The following CRISPLD2 variants were observed in gnomAD, a reference collection of about 807,000 sequenced individuals.
CRISPLD2 encodes cysteine-rich secretory protein LCCL domain-containing 2.
CRISPLD2 carries 47 observed loss-of-function variants against 71.1 expected under a neutral mutation model. That is an observed-to-expected ratio of 0.66 (90% CI 0.52 to 0.84). The LOEUF is 0.84. Among genes scored for constraint, CRISPLD2 ranks in the 40% least tolerant of loss-of-function variants. The pLI is 0.00. For synonymous variants in CRISPLD2, 317 were observed against 250.1 expected, an observed-to-expected ratio of 1.27 and a Z score of -2.52; for missense variants, 830 against 651.1, an observed-to-expected ratio of 1.27 and a Z score of -2.99.
In CRISPLD2 at chr16:84,866,982, C is replaced by G. The variant is rs1191589176; in HGVS notation, c.795C>G (p.Leu265=). 3.7e-6 allele frequency: 6 copies of G among 1,614,056 alleles called. No homozygotes were observed. The South Asian group carries it at 6.6e-5, about 18-fold the overall frequency. ...TTCCTGAAGAAAACCATGTTTGGCT[C>G]CAACCGAGGGTGATGAGACCCACCA... The part of the protein sequence containing the change: ...APIPEENHVW[L]QPRVMRPTKP... The change falls in exon 7 of 15, where the codon CTC becomes CTG. Residue 265 remains leucine (L), a synonymous_variant. Transcript: ENST00000262424.
chr16:84,837,415 C>CTTTTTT (rs770665907), intron 1 of CRISPLD2, among the ~76,000 whole-genome samples: 1 of 112,978 alleles, frequency 8.9e-6, no homozygotes, highest in Non-Finnish European at 2.0e-5. Flanking sequence ...CCATAGCTTG[C>CTTTTTT]TTTTTTTTTT....
chr16:84,845,025 T>C (rs2143195844), intron 2 of CRISPLD2, among the ~76,000 whole-genome samples: 1 of 152,254 alleles, frequency 6.6e-6, no homozygotes, highest in East Asian at 1.9e-4. Context: ...ACCCGGATAA[T>C]TGATTTCTAG....
At position 84,909,397 on chromosome 16, in the gene CRISPLD2, G is replaced by T. The variant is rs1322356130; in HGVS notation, c.*2755G>T. 2.0e-5 allele frequency: 3 copies of T among 152,656 alleles called. No homozygotes were observed. Among genetic ancestry groups the T allele is most frequent in the Non-Finnish European group, 2.9e-5 (2 of 68,046 alleles). The allele number at this position is 152,656 out of a possible 1,614,324, so 9.5% of individuals were successfully genotyped here. A position where few individuals can be genotyped will look rare whatever the true frequency, so the allele number is the denominator to read the frequency against. On this transcript the variant is annotated 3_prime_UTR_variant, in exon 15 of 15. Coordinates refer to ENST00000262424, the MANE Select transcript of CRISPLD2 (RefSeq NM_031476.4). ...TTTTTTGTGCTTTGCATGAACAGGG[G>T]CCACGTTGTTGCAATTGTTTCAGTA...
At chr16:84,871,854 GT>G (rs931479950) in intron 8 of CRISPLD2, among the ~76,000 whole-genome samples, 3 of 93,740 alleles carry the variant, frequency 3.2e-5, no homozygotes, top group Non-Finnish European at 6.1e-5. Context: ...GCCTGGCCTT[GT>G]TTTTTTTCAA....
intron 12 of CRISPLD2, among the ~76,000 whole-genome samples, chr16:84,879,064 G>C (rs1477003218): frequency 1.3e-5 from 2 of 152,160 alleles, no homozygotes; most frequent in African/African-American, 4.8e-5. Flanking sequence ...AGGCCCAGGA[G>C]GGTGACTGGT....
intron 1 of CRISPLD2, among the ~76,000 whole-genome samples, chr16:84,836,966 T>C (rs1476708337): frequency 6.6e-6 from 1 of 152,206 alleles, no homozygotes; most frequent in African/African-American, 2.4e-5. Context: ...TGTCCTGCTA[T>C]GTGGGGACTG....
intron 6 of CRISPLD2, among the ~76,000 whole-genome samples, chr16:84,865,847 A>T (rs924470936): frequency 1.3e-5 from 2 of 152,148 alleles, no homozygotes; most frequent in African/African-American, 4.8e-5. Flanking sequence ...ATTAAGTGCA[A>T]TGTGTTTGGT....
Position 84,871,167 on chromosome 16 carries a change from T to C in CRISPLD2, c.915-1275T>C, listed in dbSNP as rs149994017. ...AGGGAAGCTGAAGAGCTAATGGATA[T>C]GAATGTTTAAGTCTTTCTTAAAGAT... On this transcript the variant is annotated intron_variant, in intron 8 of 14. Transcript: ENST00000262424. Among the ~76,000 whole-genome samples, 693 of 152,352 alleles carry C rather than the reference T, an allele frequency of 4.5e-3. 10 individuals are homozygous for C. The highest frequency in any genetic ancestry group is 0.015 in the African/African-American group (642 of 41,582).
chr16:84,834,281 C>A (rs1301252296), intron 1 of CRISPLD2, among the ~76,000 whole-genome samples: 1 of 152,232 alleles, frequency 6.6e-6, no homozygotes, highest in African/African-American at 2.4e-5. Context: ...GGCGTGAGCC[C>A]CTTCTTGATG....
At chr16:84,887,948 T>C (rs920202979) in intron 13 of CRISPLD2, among the ~76,000 whole-genome samples, 1 of 152,214 alleles carries the variant, frequency 6.6e-6, no homozygotes, top group Admixed American at 6.5e-5. Context: ...ATCAGATCGC[T>C]AGATCCACCC....
In CRISPLD2 at chr16:84,838,549, C is replaced by T. The variant is rs148237290; in HGVS notation, c.54C>T (p.Cys18=). Reference sequence around the variant, plus strand: ...CCTTGGGGCTGCTGTTCCTGGTCTGCGGATCCCAAGGCTACCTCCTGCCCA... The same window carrying T: ...CCTTGGGGCTGCTGTTCCTGGTCTGTGGATCCCAAGGCTACCTCCTGCCCA... ...VIPLGLLFLV[C]GSQGYLLPNV... is the part of the protein sequence containing the mutation. The change falls in exon 2 of 15, where the codon TGC becomes TGT. Residue 18 remains cysteine, a synonymous_variant. Transcript: ENST00000262424. 67 of 1,614,184 alleles carry T rather than the reference C, an allele frequency of 4.2e-5. No individual in the cohort carries two copies. Among genetic ancestry groups the T allele is most frequent in the African/African-American group, 6.7e-5 (5 of 75,036 alleles).
intron 14 of CRISPLD2, among the ~76,000 whole-genome samples, chr16:84,890,252 G>A (rs372988385): frequency 5.9e-5 from 9 of 152,222 alleles, no homozygotes; most frequent in African/African-American, 9.6e-5. Flanking sequence ...CCAGCTACCC[G>A]GGAGGCTGAG....
chr16:84,857,142 G>A (rs772292172), intron 6 of CRISPLD2, among the ~76,000 whole-genome samples: 1 of 152,240 alleles, frequency 6.6e-6, no homozygotes, highest in Non-Finnish European at 1.5e-5. Flanking sequence ...GCACTCAGCA[G>A]TGGCCATAGC....
chr16:84,877,558 T>C (rs368878673), intron 12 of CRISPLD2, 48 bp downstream of exon 12: 3 of 1,581,840 alleles, frequency 1.9e-6, no homozygotes, highest in African/African-American at 2.7e-5. Context: ...ATGTTAGAAG[T>C]AGCTTTTTAG....
Position 84,907,513 on chromosome 16 carries a change from A to G in CRISPLD2, c.*871A>G. 1 of 152,320 alleles carries G rather than the reference A, an allele frequency of 6.6e-6. No individual in the cohort carries two copies. The highest frequency in any genetic ancestry group is 1.5e-5 in the Non-Finnish European group (1 of 68,048). The allele number at this position is 152,320 out of a possible 1,614,324, so 9.4% of individuals were successfully genotyped here. A position where few individuals can be genotyped will look rare whatever the true frequency, so the allele number is the denominator to read the frequency against. ...TTACGTGTCCTGGTTCACACCCAGG[A>G]CTTTTCTTTGCAAGCGAACCTGTTT... On this transcript the variant is annotated 3_prime_UTR_variant, in exon 15 of 15. Coordinates refer to ENST00000262424, the MANE Select transcript of CRISPLD2 (RefSeq NM_031476.4).
In CRISPLD2 at chr16:84,873,921, A is replaced by G. The variant is rs1260814080; in HGVS notation, c.1114A>G (p.Lys372Glu). ...SERHGVQSLSKYKPSSSFMVS... is the reference protein window; with the variant it reads ...SERHGVQSLSEYKPSSSFMVS... Reference sequence around the variant, plus strand: ...TTTTTTTTTTTTTTTTTTAAACAGCAAATACAAACCTTCCAGCTCATTCAT... The same window carrying G: ...TTTTTTTTTTTTTTTTTTAAACAGCGAATACAAACCTTCCAGCTCATTCAT... The change falls in exon 11 of 15, where the codon AAA becomes GAA. Residue 372 changes from lysine to glutamate, a missense_variant and splice_region_variant. Transcript: ENST00000262424. 18 of 1,584,138 alleles carry G rather than the reference A, an allele frequency of 1.1e-5. No individual in the cohort carries two copies. The highest frequency in any genetic ancestry group is 1.5e-5 in the Non-Finnish European group (18 of 1,170,860).
At chr16:84,835,696 G>A (rs1304953815) in intron 1 of CRISPLD2, among the ~76,000 whole-genome samples, 1 of 152,078 alleles carries the variant, frequency 6.6e-6, no homozygotes, top group Non-Finnish European at 1.5e-5. Context: ...ACTAAACCCC[G>A]TGGTTCTCCC....
At chr16:84,880,006 C>T (rs1003794547) in intron 12 of CRISPLD2, among the ~76,000 whole-genome samples, 3 of 152,224 alleles carry the variant, frequency 2.0e-5, no homozygotes, top group Non-Finnish European at 2.9e-5. Flanking sequence ...GTGACTGACA[C>T]ACAGTGATCT....
intron 8 of CRISPLD2, among the ~76,000 whole-genome samples, chr16:84,870,429 C>T (rs993936958): frequency 1.3e-5 from 2 of 151,936 alleles, no homozygotes; most frequent in Non-Finnish European, 2.9e-5. Context: ...AAGTGATTCT[C>T]CCACCTCAGC....
Sources: gnomAD v4.1 joint callset for allele counts (sites outside exome capture counted in the v4.1 genomes callset) on GRCh38, gnomAD v4.1.1 for gene constraint, MANE v1.5 for transcripts, NCBI Gene and HGNC (gene_info 2026-07-23, HGNC 2026-07-21) for gene names.